Variants in FOXP2 observed in about 807,000 individuals in gnomAD.
FOXP2 encodes forkhead box P2.
In FOXP2, 12 loss-of-function variants were observed where a neutral mutation model predicts 115.8. That is an observed-to-expected ratio of 0.10 (90% CI 0.07 to 0.17). The LOEUF (loss-of-function observed/expected upper bound fraction) is 0.17. FOXP2 is among the 10% of genes least tolerant of loss of function. FOXP2 has a pLI of 1.00. For synonymous variants in FOXP2, 328 were observed against 297.7 expected, an observed-to-expected ratio of 1.10 and a Z score of -1.05; for missense variants, 629 against 843.5, an observed-to-expected ratio of 0.75 and a Z score of 3.15.
intron 2 of FOXP2, among the ~76,000 whole-genome samples, chr7:114,524,028 A>C (rs1190992063): frequency 6.6e-6 from 1 of 152,178 alleles, no homozygotes; most frequent in Non-Finnish European, 1.5e-5. Flanking sequence ...AGTAAATTCA[A>C]ATTTAACTGG....
chr7:114,629,721 A>T, intron 4 of FOXP2, 84 bp from the exon 5 acceptor site: 1 of 1,605,432 alleles, frequency 6.2e-7, no homozygotes, highest in South Asian at 1.1e-5. Context: ...ATACTCTGCC[A>T]TATGCCAGTC....
At chr7:114,639,900 G>A (rs574704833) in intron 6 of FOXP2, among the ~76,000 whole-genome samples, 2 of 152,206 alleles carry the variant, frequency 1.3e-5, no homozygotes, top group African/African-American at 2.4e-5. Context: ...AAGTATTCTC[G>A]AAAGCCTTTG....
chr7:114,527,212 A>G (rs772340200), intron 2 of FOXP2, among the ~76,000 whole-genome samples: 2 of 151,944 alleles, frequency 1.3e-5, no homozygotes, highest in African/African-American at 2.4e-5. Flanking sequence ...AGTTGAAGGG[A>G]ATTTGGGTTG....
At chr7:114,333,364 G>C (rs538770907) in intron 2 of FOXP2, among the ~76,000 whole-genome samples, 1 of 152,190 alleles carries the variant, frequency 6.6e-6, no homozygotes, top group East Asian at 1.9e-4. Context: ...CTACTGCTAG[G>C]TTTCCCTCAC....
At chr7:114,390,982 T>C (rs1444603467) in intron 2 of FOXP2, among the ~76,000 whole-genome samples, 4 of 151,676 alleles carry the variant, frequency 2.6e-5, no homozygotes, top group Non-Finnish European at 5.9e-5. Context: ...AGGTCAGGAG[T>C]TGGAGATCAG....
intron 3 of FOXP2, among the ~76,000 whole-genome samples, chr7:114,575,771 C>G (rs7811865): frequency 0.2 from 29,616 of 151,766 alleles, 3,735 homozygotes; most frequent in African/African-American, 0.36. Flanking sequence ...TTCTTCCTTC[C>G]TATATTATAA....
At chr7:114,087,384 C>T (rs1481895337), upstream of FOXP2, among the ~76,000 whole-genome samples, 1 of 152,128 alleles carries the variant, frequency 6.6e-6, no homozygotes, top group African/African-American at 2.4e-5. Flanking sequence ...CGGTGTCTGG[C>T]CTGGTTTTAC....
At chr7:114,531,452 G>A (rs184169573) in intron 2 of FOXP2, among the ~76,000 whole-genome samples, 49 of 151,906 alleles carry the variant, frequency 3.2e-4, no homozygotes, top group African/African-American at 1.1e-3. Context: ...AGAGACCTGA[G>A]CAATTGTTTA....
At chr7:114,271,922 A>G (rs1796065109) in intron 1 of FOXP2, among the ~76,000 whole-genome samples, 1 of 129,476 alleles carries the variant, frequency 7.7e-6, no homozygotes, top group Non-Finnish European at 1.6e-5. Flanking sequence ...ATTATAATAT[A>G]ATTATTATAA....
intron 2 of FOXP2, among the ~76,000 whole-genome samples, chr7:114,405,684 G>T (rs923088188): frequency 6.6e-6 from 1 of 151,818 alleles, no homozygotes; most frequent in Non-Finnish European, 1.5e-5. Flanking sequence ...AATGGGTGTA[G>T]TGTTAAGTGA....
chr7:114,514,101 ACACACACAC>A (rs1358894697), intron 2 of FOXP2, among the ~76,000 whole-genome samples: 2 of 151,666 alleles, frequency 1.3e-5, no homozygotes, highest in Admixed American at 6.6e-5. Context: ...ACACACACAC[ACACACACAC>A]ACACACACGC....
intron 3 of FOXP2, among the ~76,000 whole-genome samples, chr7:114,540,519 G>A (rs1402398475): frequency 6.6e-6 from 1 of 152,022 alleles, no homozygotes; most frequent in Non-Finnish European, 1.5e-5. Context: ...AATGTCCTCA[G>A]GGACTTATGA....
intron 2 of FOXP2, among the ~76,000 whole-genome samples, chr7:114,469,595 A>G (rs1040016555): frequency 2.0e-5 from 3 of 152,192 alleles, no homozygotes; most frequent in African/African-American, 7.2e-5. Context: ...ATAATTCTCA[A>G]TTTTATAAGT....
At chr7:114,662,558 T>C (rs1162087956) in intron 14 of FOXP2, among the ~76,000 whole-genome samples, 1 of 152,108 alleles carries the variant, frequency 6.6e-6, no homozygotes, top group East Asian at 1.9e-4. Context: ...TAATTTTGCA[T>C]ATACTGGTAA....
intron 2 of FOXP2, among the ~76,000 whole-genome samples, chr7:114,469,017 A>T (rs1795929917): frequency 6.6e-6 from 1 of 152,286 alleles, no homozygotes; most frequent in Middle Eastern, 3.4e-3. Flanking sequence ...CTTTTTGGCA[A>T]CTGAAATGAC....
chr7:114,543,023 C>T (rs1285568224), intron 3 of FOXP2, among the ~76,000 whole-genome samples: 1 of 151,820 alleles, frequency 6.6e-6, no homozygotes, highest in African/African-American at 2.4e-5. Context: ...CTTAAGTGAT[C>T]CACCCACCTT....
At chr7:114,393,153 A>C (rs545902420) in intron 2 of FOXP2, among the ~76,000 whole-genome samples, 26 of 151,780 alleles carry the variant, frequency 1.7e-4, no homozygotes, top group African/African-American at 6.0e-4. Context: ...GTTCTGGATA[A>C]GTTATTACTT....
At chr7:114,638,122 G>A (rs900841727) in intron 6 of FOXP2, among the ~76,000 whole-genome samples, 1 of 152,114 alleles carries the variant, frequency 6.6e-6, no homozygotes, top group African/African-American at 2.4e-5. Context: ...GGTTACATGG[G>A]ATTTTCAAAT....
At chr7:114,181,366 A>G (rs1482213874) in intron 1 of FOXP2, among the ~76,000 whole-genome samples, 1 of 151,800 alleles carries the variant, frequency 6.6e-6, no homozygotes, top group Non-Finnish European at 1.5e-5. Context: ...AAAATATTTC[A>G]GAACTTTTCT....
Sources: allele counts gnomAD v4.1 joint callset (sites outside exome capture counted in the v4.1 genomes callset), GRCh38; gene constraint gnomAD v4.1.1; transcripts MANE v1.5; gene names NCBI Gene and HGNC (gene_info 2026-07-23, HGNC 2026-07-21).